CACHD1: variants seen among roughly 807,000 people sequenced by gnomAD.
CACHD1 encodes VWFA and cache domain-containing protein 1.
A neutral mutation model predicts 138.7 loss-of-function variants in CACHD1; 71 were observed. The observed-to-expected ratio is 0.51, with a 90% CI of 0.42 to 0.62. The LOEUF is 0.62. Ranked by LOEUF, CACHD1 falls within the 20% of genes least tolerant of loss-of-function variation. The pLI is 0.00. For synonymous variants in CACHD1, 578 were observed against 591.5 expected, an observed-to-expected ratio of 0.98 and a Z score of 0.33; for missense variants, 1,389 against 1,625.3, an observed-to-expected ratio of 0.85 and a Z score of 2.50.
At chr1:64,568,385 G>T (rs1557497508) in intron 2 of CACHD1, among the ~76,000 whole-genome samples, 1 of 152,012 alleles carries the variant, frequency 6.6e-6, no homozygotes, top group African/African-American at 2.4e-5. Flanking sequence ...TTCCCTGGAG[G>T]ATATAGCAAC....
At position 64,634,158 on chromosome 1, in the gene CACHD1, A is replaced by G; in HGVS notation, c.904A>G (p.Ser302Gly). 6 of 1,613,910 alleles carry G rather than the reference A, an allele frequency of 3.7e-6. No individual in the cohort carries two copies. Among genetic ancestry groups the G allele is most frequent in the Non-Finnish European group, 5.1e-6 (6 of 1,179,970 alleles). ...ETKRKMSTFV[S>G]SVKSSDSPTQ... ...AAAAAGGAAAATGTCCACCTTTGTT[A>G]GCAGCGTGAAGTCTTCAGACAGTCC... Residue 302 changes from serine (S) to glycine (G), a missense_variant, in exon 7 of 27, where the codon AGC becomes GGC. Physicochemically the swap from Ser to Gly is moderately conservative, Grantham distance 56. This residue lies in a region of CACHD1 where 1,000 missense variants were observed against 1,114.7 expected (regional missense o/e 0.90). Coordinates refer to ENST00000651257, the MANE Select transcript of CACHD1 (RefSeq NM_020925.4).
rs188517309 is a variant in CACHD1, at chr1:64,588,159, C to A, written c.410+5855C>A. On this transcript the variant is annotated intron_variant, in intron 3 of 26. Transcript: ENST00000651257. ...TAGCTGTGAATTTGCAATTCCTGACCTTAAAAGACCATACGATATTAATAG... is the reference window on the plus strand; with the variant it reads ...TAGCTGTGAATTTGCAATTCCTGACATTAAAAGACCATACGATATTAATAG... 1.8e-3 allele frequency among the ~76,000 whole-genome samples: 280 copies of A among 152,234 alleles called. 4 individuals carry two copies. Among genetic ancestry groups the A allele is most frequent in the Non-Finnish European group, 4.6e-4 (31 of 68,008 alleles).
chr1:64,508,476 G>T (rs1440690893), intron 1 of CACHD1, among the ~76,000 whole-genome samples: 1 of 152,146 alleles, frequency 6.6e-6, no homozygotes, highest in Non-Finnish European at 1.5e-5. Flanking sequence ...TTGTGTGTGT[G>T]ACCTTGGATT....
chr1:64,478,449 T>A (rs1031048650), intron 1 of CACHD1, among the ~76,000 whole-genome samples: 5 of 152,210 alleles, frequency 3.3e-5, no homozygotes, highest in African/African-American at 1.2e-4. Context: ...AGAAAAGGAC[T>A]AAGCGAGATA....
intron 1 of CACHD1, among the ~76,000 whole-genome samples, chr1:64,541,926 T>A (rs548393184): frequency 6.6e-6 from 1 of 152,286 alleles, no homozygotes; most frequent in East Asian, 1.9e-4. Context: ...ATTAATAGAA[T>A]GTTATTATAG....
In CACHD1 at chr1:64,669,054, A is replaced by G. The variant is rs375872827; in HGVS notation, c.2388-2510A>G. Among the ~76,000 whole-genome samples the G allele has an allele frequency of 9.2e-5, 14 of 152,166 alleles. 1 individual carries two copies. Among genetic ancestry groups the G allele is most frequent in the Admixed American group, 5.2e-4 (8 of 15,274 alleles). On this transcript the variant is annotated intron_variant, in intron 16 of 26. Coordinates refer to ENST00000651257, the MANE Select transcript of CACHD1 (RefSeq NM_020925.4). ...CCCACTTAGGAAAGTGAGATATTAGAGCCTATCTCAAATGATTATTTTTAA... is the reference window on the plus strand; with the variant it reads ...CCCACTTAGGAAAGTGAGATATTAGGGCCTATCTCAAATGATTATTTTTAA...
At chr1:64,675,663 G>A in intron 20 of CACHD1, 102 bp downstream of exon 20, 2 of 1,373,876 alleles carry the variant, frequency 1.5e-6, no homozygotes, top group Non-Finnish European at 2.0e-6. Context: ...GTGCTGGTGT[G>A]TGTCCTGAAG....
chr1:64,529,346 C>T (rs960181626), intron 1 of CACHD1, among the ~76,000 whole-genome samples: 1 of 152,262 alleles, frequency 6.6e-6, no homozygotes, highest in Admixed American at 6.5e-5. Context: ...TGGAACCTAT[C>T]ATTGCTGGTC....
intron 4 of CACHD1, among the ~76,000 whole-genome samples, chr1:64,625,433 C>G (rs560371662): frequency 1.1e-3 from 172 of 152,194 alleles, no homozygotes; most frequent in Non-Finnish European, 2.1e-3. Flanking sequence ...TCAAGACCAG[C>G]CTCTCCAACA....
chr1:64,513,004 A>G (rs1377168264), intron 1 of CACHD1, among the ~76,000 whole-genome samples: 3 of 152,104 alleles, frequency 2.0e-5, no homozygotes, highest in South Asian at 2.1e-4. Context: ...CTCCATTTCT[A>G]TTGTCACATT....
At chr1:64,562,409 CTT>C (rs55746551) in intron 2 of CACHD1, among the ~76,000 whole-genome samples, 2 of 109,924 alleles carry the variant, frequency 1.8e-5, no homozygotes, top group Admixed American at 9.6e-5. Flanking sequence ...GCAGAATTTC[CTT>C]TTTTTTTTTT....
At chr1:64,657,137 A>G (rs1409011101) in intron 12 of CACHD1, among the ~76,000 whole-genome samples, 1 of 152,152 alleles carries the variant, frequency 6.6e-6, no homozygotes, top group African/African-American at 2.4e-5. Flanking sequence ...AGTACTGACT[A>G]TTAGAAGGTA....
chr1:64,585,746 G>A (rs1647046567), intron 3 of CACHD1, among the ~76,000 whole-genome samples: 1 of 152,182 alleles, frequency 6.6e-6, no homozygotes, highest in South Asian at 2.1e-4. Context: ...GGCCTGTGAG[G>A]ACTCCCTTCA....
chr1:64,628,527 G>A (rs1290301937), intron 4 of CACHD1, among the ~76,000 whole-genome samples: 1 of 152,142 alleles, frequency 6.6e-6, no homozygotes, highest in Admixed American at 6.6e-5. Context: ...TGGAGGTCGT[G>A]GGACAGGATT....
At chr1:64,604,788 G>A (rs1647287005) in intron 4 of CACHD1, among the ~76,000 whole-genome samples, 1 of 151,788 alleles carries the variant, frequency 6.6e-6, no homozygotes. Flanking sequence ...AAGTAGCTGG[G>A]ATTATAGGTG....
intron 2 of CACHD1, among the ~76,000 whole-genome samples, chr1:64,576,511 G>A (rs1224696967): frequency 2.0e-5 from 3 of 151,642 alleles, no homozygotes; most frequent in East Asian, 3.9e-4. Flanking sequence ...AAAAAAAGAC[G>A]CGATAGTGGA....
chr1:64,632,256 GAAA>G (rs55924104), intron 5 of CACHD1, among the ~76,000 whole-genome samples: 93 of 129,804 alleles, frequency 7.2e-4, no homozygotes, highest in African/African-American at 2.7e-3. Flanking sequence ...GCTTTTTTCT[GAAA>G]AAAAAAAAAA....
chr1:64,629,094 C>G (rs1477231346), intron 4 of CACHD1, among the ~76,000 whole-genome samples: 1 of 152,136 alleles, frequency 6.6e-6, no homozygotes, highest in Non-Finnish European at 1.5e-5. Context: ...ATCATTTGTA[C>G]TGGAAAAACA....
rs566198282 is a variant in CACHD1 at position 64,656,360 on chromosome 1, T to G, written c.1782+1557T>G. Among the ~76,000 whole-genome samples, 3 of 152,342 alleles carry G rather than the reference T, an allele frequency of 2.0e-5. No individual in the cohort carries two copies. The South Asian group carries it at 6.2e-4, about 32-fold the overall frequency. ...TTAGAATGATAGCACCATCTGCCCT[T>G]ATATTTATATCATTTTTAAAGATAA... On this transcript the variant is annotated intron_variant, in intron 12 of 26. Transcript: ENST00000651257.
Sources: gnomAD v4.1 joint callset for allele counts (sites outside exome capture counted in the v4.1 genomes callset) on GRCh38, gnomAD v4.1.1 for gene constraint, gnomAD v4.1.1 regional missense constraint, MANE v1.5 for transcripts, NCBI Gene and HGNC (gene_info 2026-07-23, HGNC 2026-07-21) for gene names.